Variants in TTC17 observed in about 807,000 individuals in gnomAD.
The protein encoded by TTC17 is tetratricopeptide repeat protein 17.
In TTC17, 58 loss-of-function variants were observed where a neutral mutation model predicts 143.8. The ratio of observed to expected loss-of-function variants is 0.40; its 90% CI spans 0.33 to 0.50. The LOEUF (loss-of-function observed/expected upper bound fraction) is 0.50, where lower values mean the gene tolerates loss of function less well. TTC17 is among the 20% of genes least tolerant of loss of function. TTC17 has a pLI of 0.49. For synonymous variants in TTC17, 501 were observed against 497.8 expected, an observed-to-expected ratio of 1.01 and a Z score of -0.09; for missense variants, 1,273 against 1,392.5, an observed-to-expected ratio of 0.91 and a Z score of 1.37.
chr11:43,379,488 T>C (rs902117296), intron 2 of TTC17, among the ~76,000 whole-genome samples, 166 bp downstream of exon 2: 1 of 152,080 alleles, frequency 6.6e-6, no homozygotes, highest in African/African-American at 2.4e-5. Context: ...GTGTTTTTTC[T>C]TTATCATTTT....
Position 43,397,363 on chromosome 11 carries a change from G to T in TTC17, c.790G>T (p.Ala264Ser), listed in dbSNP as rs1278615495. Residue 264 changes from alanine (A) to serine (S), a missense_variant, in exon 7 of 24, where the codon GCC becomes TCC. Coordinates refer to ENST00000039989, the MANE Select transcript of TTC17 (RefSeq NM_018259.6). ...HFSSRHNKDI[A>S]LVNLANVLHR... is the part of the protein sequence containing the mutation. Reference sequence around the variant, plus strand: ...TTTCCTTAGGCACAATAAAGACATTGCCCTGGTCAACCTGGCAAACGTTCT... The same window carrying T: ...TTTCCTTAGGCACAATAAAGACATTTCCCTGGTCAACCTGGCAAACGTTCT... The T allele has an allele frequency of 1.2e-6, 2 of 1,610,342 alleles. No homozygotes were observed. The highest frequency in any genetic ancestry group is 4.5e-5 in the East Asian group (2 of 44,882).
At position 43,450,063 on chromosome 11, in the gene TTC17, G is replaced by A. The variant is rs1326944288; in HGVS notation, c.2787-19G>A. On this transcript the variant is annotated intron_variant, in intron 19 of 23. Transcript: ENST00000039989. ...CTCAAAAATTTCCCATAGCTAATGT[G>A]GTAATCTCCATTTTTCAGCATCACA... 1.9e-6 allele frequency: 3 copies of A among 1,607,950 alleles called. No individual in the cohort carries two copies. Among genetic ancestry groups the A allele is most frequent in the African/African-American group, 1.3e-5 (1 of 74,590 alleles).
chr11:43,469,125 G>A (rs1208152115), intron 21 of TTC17, among the ~76,000 whole-genome samples: 4 of 152,124 alleles, frequency 2.6e-5, no homozygotes, highest in African/African-American at 9.7e-5. Context: ...AAAGTACCCA[G>A]TGTATTAGTC....
chr11:43,473,876 C>CT (rs1948135365), intron 21 of TTC17, among the ~76,000 whole-genome samples: 1 of 143,122 alleles, frequency 7.0e-6, no homozygotes, highest in Non-Finnish European at 1.5e-5. Context: ...GAATGAGACT[C>CT]TGTCTCAAAA....
At chr11:43,436,219 C>A in intron 16 of TTC17, 1 of 1,479,522 alleles carries the variant, frequency 6.8e-7, no homozygotes, top group Non-Finnish European at 8.9e-7. Context: ...AATATTTTGA[C>A]AACTCACAGT....
intron 1 of TTC17, chr11:43,359,343 C>T: frequency 4.1e-6 from 2 of 492,044 alleles, no homozygotes; most frequent in East Asian, 3.6e-5. Context: ...CCTTCCACCT[C>T]GCGGGCCGCG....
chr11:43,379,172 T>C (rs1856870314), intron 1 of TTC17, 61 bp from the exon 2 acceptor site: 4 of 1,448,942 alleles, frequency 2.8e-6, no homozygotes, highest in Non-Finnish European at 3.8e-6. Flanking sequence ...ATTAATGACT[T>C]TGTTAATCCA....
At chr11:43,381,977 C>A (rs1433899979) in intron 2 of TTC17, among the ~76,000 whole-genome samples, 2 of 152,126 alleles carry the variant, frequency 1.3e-5, no homozygotes, top group African/African-American at 4.8e-5. Context: ...GTCACGTGGG[C>A]AGTTGGTCCT....
At chr11:43,438,847 A>G (rs555769289) in intron 16 of TTC17, among the ~76,000 whole-genome samples, 144 of 152,274 alleles carry the variant, frequency 9.5e-4, no homozygotes, top group African/African-American at 3.3e-3. Context: ...GGCTTCTGAT[A>G]TTCCACTCCC....
At chr11:43,478,196 T>C (rs528651628) in intron 21 of TTC17, among the ~76,000 whole-genome samples, 8 of 152,164 alleles carry the variant, frequency 5.3e-5, no homozygotes, top group Admixed American at 3.9e-4. Context: ...AAAAATAAAT[T>C]TGTAAAGAAA....
chr11:43,370,302 A>T (rs990174915), intron 1 of TTC17: 5 of 256,654 alleles, frequency 1.9e-5, no homozygotes, highest in African/African-American at 1.1e-4. Context: ...CCTGGAAGGG[A>T]TCGCAAACAG....
At chr11:43,369,023 T>C (rs1223900882) in intron 1 of TTC17, among the ~76,000 whole-genome samples, 2 of 152,246 alleles carry the variant, frequency 1.3e-5, no homozygotes, top group Non-Finnish European at 2.9e-5. Flanking sequence ...AGGTCTCTTT[T>C]CACATGTCAT....
chr11:43,414,070 C>G (rs1156285579), intron 15 of TTC17, among the ~76,000 whole-genome samples: 2 of 152,136 alleles, frequency 1.3e-5, no homozygotes, highest in Admixed American at 6.6e-5. Flanking sequence ...GTGGTGTATT[C>G]TTATGTTAGA....
In TTC17 at chr11:43,444,191, G is replaced by A; in HGVS notation, c.2647G>A (p.Ala883Thr). 6.2e-7 allele frequency: 1 copy of A among 1,609,214 alleles called. No individual in the cohort carries two copies. The highest frequency in any genetic ancestry group is 8.5e-7 in the Non-Finnish European group (1 of 1,178,268). Residue 883 changes from alanine to threonine, a missense_variant, in exon 18 of 24, where the codon GCA (alanine) becomes ACA (threonine). This residue lies in a region of TTC17 where 878 missense variants were observed against 899.8 expected (regional missense o/e 0.98). Coordinates refer to ENST00000039989, the MANE Select transcript of TTC17 (RefSeq NM_018259.6). ...CCTAGAGATCACTGGCCCCAAGGTG[G>A]CATCTCCTGGGCCACAAGGTAAATT... ...ANLEITGPKV[A>T]SPGPQGKKRD...
rs547684563 is a variant in TTC17 at position 43,369,765 on chromosome 11, C to T, written c.160-9468C>T. On this transcript the variant is annotated intron_variant, in intron 1 of 23. Coordinates refer to ENST00000039989, the MANE Select transcript of TTC17 (RefSeq NM_018259.6). ...CCGAGTAGCTGGGACTACAGGCACA[C>T]GCCACCACACCTGGCTAATTGTTGT... 9.9e-5 allele frequency among the ~76,000 whole-genome samples: 15 copies of T among 152,030 alleles called. No homozygotes were observed. The South Asian group carries it at 1.5e-3, about 15-fold the overall frequency.
At chr11:43,461,609 C>T (rs1326870832) in intron 21 of TTC17, among the ~76,000 whole-genome samples, 1 of 151,924 alleles carries the variant, frequency 6.6e-6, no homozygotes, top group East Asian at 1.9e-4. Flanking sequence ...GGAAAATAAT[C>T]CAAGATAGAA....
intron 18 of TTC17, chr11:43,446,492 T>C (rs1339032010): frequency 2.5e-6 from 1 of 405,892 alleles, no homozygotes; most frequent in African/African-American, 2.2e-5. Context: ...TTATAACAGG[T>C]GCTCAATAAA....
chr11:43,396,505 G>C (rs1187704407), intron 5 of TTC17: 2 of 348,508 alleles, frequency 5.7e-6, no homozygotes, highest in Non-Finnish European at 1.0e-5. Flanking sequence ...CCTAATGCAC[G>C]TGCTCAGCTG....
chr11:43,483,934 G>A (rs1948333019), intron 21 of TTC17, among the ~76,000 whole-genome samples: 1 of 152,144 alleles, frequency 6.6e-6, no homozygotes, highest in African/African-American at 2.4e-5. Context: ...TTGAAATCAG[G>A]ATTTCAGGAC....
Sources: gnomAD v4.1 joint callset for allele counts (sites outside exome capture counted in the v4.1 genomes callset) on GRCh38, gnomAD v4.1.1 for gene constraint, gnomAD v4.1.1 regional missense constraint, MANE v1.5 for transcripts, NCBI Gene and HGNC (gene_info 2026-07-23, HGNC 2026-07-21) for gene names.